DCC: variants seen among roughly 807,000 people sequenced by gnomAD.
DCC encodes the protein DCC netrin 1 receptor.
Under a neutral mutation model 172.5 loss-of-function variants are expected in DCC, and 58 were observed. The ratio of observed to expected loss-of-function variants is 0.34; its 90% CI spans 0.27 to 0.42. DCC has a LOEUF of 0.42. Ranked by LOEUF, DCC falls within the 10% of genes least tolerant of loss-of-function variation. The pLI is 1.00. For missense variants in DCC, 1,740 were observed against 1,791.0 expected, an observed-to-expected ratio of 0.97 and a Z score of 0.51; for synonymous variants, 709 against 644.5, an observed-to-expected ratio of 1.10 and a Z score of -1.52.
At chr18:52,494,089 T>C (rs890599902) in intron 1 of DCC, among the ~76,000 whole-genome samples, 1 of 152,108 alleles carries the variant, frequency 6.6e-6, no homozygotes, top group Non-Finnish European at 1.5e-5. Context: ...TTGATGGCTA[T>C]TTTTGCTGGG....
chr18:52,521,642 CTG>C (rs2031821885), intron 1 of DCC, among the ~76,000 whole-genome samples: 1 of 152,036 alleles, frequency 6.6e-6, no homozygotes, highest in Non-Finnish European at 1.5e-5. Flanking sequence ...CTGATAAACT[CTG>C]TATTTGTCTT....
intron 1 of DCC, among the ~76,000 whole-genome samples, chr18:52,449,081 G>C (rs1290848618): frequency 3.3e-5 from 5 of 152,204 alleles, no homozygotes; most frequent in Admixed American, 6.5e-5. Context: ...GAAGGAGCAA[G>C]TTATGCCTTA....
chr18:52,491,992 G>A (rs2030526558), intron 1 of DCC, among the ~76,000 whole-genome samples: 1 of 151,950 alleles, frequency 6.6e-6, no homozygotes, highest in Non-Finnish European at 1.5e-5. Flanking sequence ...CTAATACCAT[G>A]TCCTGGGGAA....
intron 27 of DCC, among the ~76,000 whole-genome samples, chr18:53,523,122 T>A (rs2046418573): frequency 6.6e-6 from 1 of 152,094 alleles, no homozygotes; most frequent in Non-Finnish European, 1.5e-5. Context: ...AACAGGCACT[T>A]CTCAAGAGAA....
chr18:53,200,445 AT>A (rs2055519062), intron 9 of DCC, among the ~76,000 whole-genome samples: 1 of 152,306 alleles, frequency 6.6e-6, no homozygotes, highest in African/African-American at 2.4e-5. Context: ...TTTGGCTGAC[AT>A]TTAATGAGTC....
At chr18:53,198,960 A>T (rs915396462) in intron 9 of DCC, among the ~76,000 whole-genome samples, 3 of 152,216 alleles carry the variant, frequency 2.0e-5, no homozygotes, top group African/African-American at 7.2e-5. Context: ...AATGATGAGC[A>T]GTTAAGCCCA....
chr18:52,918,304 A>G (rs2040070702), intron 3 of DCC, among the ~76,000 whole-genome samples: 1 of 152,162 alleles, frequency 6.6e-6, no homozygotes, highest in African/African-American at 2.4e-5. Context: ...TAACGAGAAC[A>G]CAAATGATTT....
intron 17 of DCC, 87 bp downstream of exon 17, chr18:53,391,974 G>A: frequency 1.3e-6 from 1 of 789,696 alleles, no homozygotes; most frequent in Non-Finnish European, 2.2e-6. Flanking sequence ...ACTGTCATGA[G>A]TCGTTTTGCT....
intron 5 of DCC, among the ~76,000 whole-genome samples, chr18:53,020,430 T>C (rs571102889): frequency 1.3e-5 from 2 of 152,304 alleles, no homozygotes; most frequent in South Asian, 2.1e-4. Flanking sequence ...ATTAACATGT[T>C]CATAAAAATG....
At chr18:53,508,583 G>C (rs1029318941) in intron 27 of DCC, among the ~76,000 whole-genome samples, 3 of 152,148 alleles carry the variant, frequency 2.0e-5, no homozygotes, top group Non-Finnish European at 4.4e-5. Flanking sequence ...AAAGAATATA[G>C]TTATTTGTTT....
chr18:53,509,040 G>A (rs148813600), intron 27 of DCC, among the ~76,000 whole-genome samples: 4 of 152,094 alleles, frequency 2.6e-5, no homozygotes, highest in Admixed American at 1.3e-4. Flanking sequence ...TGCATCTCCC[G>A]ACTTGCTCCT....
chr18:52,899,574 C>T (rs985424056), intron 2 of DCC, among the ~76,000 whole-genome samples: 15 of 151,856 alleles, frequency 9.9e-5, no homozygotes, highest in Non-Finnish European at 1.6e-4. Context: ...AGGCTGGTCT[C>T]GAACTCCGGA....
chr18:52,604,823 T>C (rs1337620480), intron 1 of DCC, among the ~76,000 whole-genome samples: 3 of 143,316 alleles, frequency 2.1e-5, no homozygotes, highest in African/African-American at 5.2e-5. Context: ...ACTTGTGATA[T>C]GATCTACACA....
At position 52,626,689 on chromosome 18, in the gene DCC, C is replaced by T. The variant is rs149472592; in HGVS notation, c.92-125365C>T. Among the ~76,000 whole-genome samples the T allele has an allele frequency of 2.2e-4, 33 of 152,136 alleles. 1 individual carries two copies. The highest frequency in any genetic ancestry group is 7.7e-4 in the African/African-American group (32 of 41,510). On this transcript the variant is annotated intron_variant, in intron 1 of 28. Transcript: ENST00000442544. ...TGGGTTTCACATCCGTAGATTTAAC[C>T]AACAGTAAATTTGAAACAAAAAAAT... is the stretch of plus-strand genomic sequence containing the variant.
At chr18:52,511,752 T>A (rs1031062) in intron 1 of DCC, among the ~76,000 whole-genome samples, 1 of 152,136 alleles carries the variant, frequency 6.6e-6, no homozygotes, top group Non-Finnish European at 1.5e-5. Flanking sequence ...ACAAATAGAC[T>A]GAAGCTCACA....
chr18:52,516,927 T>C (rs760543327), intron 1 of DCC, among the ~76,000 whole-genome samples: 1 of 152,204 alleles, frequency 6.6e-6, no homozygotes, highest in Non-Finnish European at 1.5e-5. Context: ...GTAGGAATCT[T>C]TTTGAGGCAC....
intron 15 of DCC, among the ~76,000 whole-genome samples, chr18:53,355,520 C>A (rs1343950647): frequency 6.6e-6 from 1 of 152,034 alleles, no homozygotes; most frequent in African/African-American, 2.4e-5. Flanking sequence ...CTAGGTATTT[C>A]ATTCTCTTTG....
chr18:53,335,231 G>A (rs181370093), intron 14 of DCC, among the ~76,000 whole-genome samples: 460 of 152,168 alleles, frequency 3.0e-3, no homozygotes, highest in Non-Finnish European at 4.7e-3. Context: ...GCCCTTTCAG[G>A]TCATCCACCT....
chr18:53,167,865 A>T (rs2054947029), intron 8 of DCC, among the ~76,000 whole-genome samples: 1 of 152,186 alleles, frequency 6.6e-6, no homozygotes, highest in African/African-American at 2.4e-5. Flanking sequence ...GTTTCAGCTA[A>T]ACATTTCCTT....
Sources: allele counts gnomAD v4.1 joint callset (sites outside exome capture counted in the v4.1 genomes callset), GRCh38; gene constraint gnomAD v4.1.1; transcripts MANE v1.5; gene names NCBI Gene and HGNC (gene_info 2026-07-23, HGNC 2026-07-21).